The following ZNF75D variants were observed in gnomAD, a reference collection of about 807,000 sequenced individuals.
ZNF75D encodes zinc finger protein 75.
A neutral mutation model predicts 33.3 loss-of-function variants in ZNF75D; 33 were observed. The ratio of observed to expected loss-of-function variants is 0.99; its 90% confidence interval spans 0.75 to 1.32. ZNF75D has a LOEUF of 1.32. ZNF75D is among the 40% of genes most tolerant of loss of function. ZNF75D has a pLI of 0.00. For synonymous variants in ZNF75D, 113 were observed against 130.6 expected (o/e 0.87, Z 0.92); for missense variants, 338 against 367.5 (o/e 0.92, Z 0.66).
intron 1 of ZNF75D, among the ~76,000 whole-genome samples, chrX:135,306,854 CTA>C (rs1227777853): frequency 9.0e-6 from 1 of 111,648 alleles, no homozygotes; most frequent in Non-Finnish European, 1.9e-5. Flanking sequence ...TTAAGGAAGA[CTA>C]TGCAGATTTT....
At chrX:135,284,529 G>C (rs2083933294), downstream of ZNF75D, among the ~76,000 whole-genome samples, 2 of 111,615 alleles carry the variant, frequency 1.8e-5, no homozygotes, top group African/African-American at 6.5e-5. Context: ...TCAGGGATGA[G>C]AATGTGCTTT....
chrX:135,309,493 T>C (rs2084331863), intron 1 of ZNF75D: 1 of 294,614 alleles, frequency 3.4e-6, no homozygotes, highest in African/African-American at 2.8e-5. Flanking sequence ...GATAAAGAAC[T>C]CCCTAAAGCC....
rs1556421478 is a variant in ZNF75D at position 135,292,317 on chromosome X, T to C, written c.568A>G (p.Asn190Asp). The C allele has an allele frequency of 8.3e-7, 1 of 1,211,553 alleles. No homozygotes were observed. The highest frequency in any genetic ancestry group is 1.8e-5 in the South Asian group (1 of 56,939). Residue 190 changes from asparagine (N) to aspartate (D), a missense_variant, in exon 4 of 7, where the codon AAC (asparagine) becomes GAC (aspartate). Asn to Asp is a conservative substitution (Grantham distance 23). Coordinates refer to ENST00000370766, the MANE Select transcript of ZNF75D (RefSeq NM_007131.5). ...ACAGGCTGGGTTTCTTTGTGAGTGT[T>C]CCAGCCCAGCTGTTCTTGTAGTACC... is the stretch of plus-strand genomic sequence containing the variant. ...YRVLQEQLGW[N>D]THKETQPVYE...
chrX:135,314,655 T>G (rs183713326), intron 1 of ZNF75D, among the ~76,000 whole-genome samples: 28 of 111,802 alleles, frequency 2.5e-4, no homozygotes, highest in African/African-American at 8.4e-4. Flanking sequence ...TTAATGTTAC[T>G]ACTTGTTATT....
chrX:135,302,862 G>A lies in ZNF75D; in HGVS notation c.-390-6823C>T, dbSNP rs781968295. On this transcript the variant is annotated intron_variant, in intron 1 of 6. Coordinates refer to ENST00000370766, the MANE Select transcript of ZNF75D (RefSeq NM_007131.5). ...GAAAAAAGGGGCCCAGGGGACCAGC[G>A]TTCAGCACACGGAGGATCCCGCCGG... Among the ~76,000 whole-genome samples, 18 of 110,048 alleles carry A rather than the reference G, an allele frequency of 1.6e-4. No individual in the cohort carries two copies. The South Asian group carries it at 6.2e-3, about 38-fold the overall frequency.
At chrX:135,334,468 T>C (rs959759835) in intron 1 of ZNF75D, among the ~76,000 whole-genome samples, 3 of 112,157 alleles carry the variant, frequency 2.7e-5, no homozygotes, top group Non-Finnish European at 5.6e-5. Flanking sequence ...ATGCCAAATA[T>C]GCAGGGAGAT....
At chrX:135,329,126 T>C (rs1376987493) in intron 1 of ZNF75D, among the ~76,000 whole-genome samples, 1 of 112,425 alleles carries the variant, frequency 8.9e-6, no homozygotes, top group Non-Finnish European at 1.9e-5. Flanking sequence ...CCATCATCAC[T>C]ATGCTGTAAA....
At chrX:135,259,805 T>C (rs1430767939) in intron 1 of ZNF75D, among the ~76,000 whole-genome samples, 2 of 111,936 alleles carry the variant, frequency 1.8e-5, no homozygotes, top group Non-Finnish European at 3.8e-5. Context: ...TGCCTGATTG[T>C]CCTGGCCAGA....
At position 135,287,288 on chromosome X, in the gene ZNF75D, T is replaced by C; in HGVS notation, c.1382A>G (p.Asn461Ser). The C allele has an allele frequency of 8.3e-7, 1 of 1,211,725 alleles. No individual in the cohort carries two copies. Among genetic ancestry groups the C allele is most frequent in the Non-Finnish European group, 1.1e-6 (1 of 895,474 alleles). Residue 461 changes from asparagine (N) to serine (S), a missense_variant, in exon 7 of 7, where the codon AAC (asparagine) becomes AGC (serine). Asn to Ser is a conservative substitution (Grantham distance 46). Transcript: ENST00000370766. ...TCTCTGGTGTTTAATAAGGTGGGAG[T>C]TCTGAATGAATCTTTTTCCACATTC... ...CDECGKRFIQ[N>S]SHLIKHQRTH...
intron 1 of ZNF75D, among the ~76,000 whole-genome samples, chrX:135,262,257 G>A (rs1486639324): frequency 8.1e-5 from 9 of 111,505 alleles, no homozygotes; most frequent in African/African-American, 2.9e-4. Context: ...TGGTTAATCT[G>A]ACAATTATGT....
chrX:135,321,047 C>T (rs1005497881), intron 1 of ZNF75D, among the ~76,000 whole-genome samples: 1 of 111,765 alleles, frequency 8.9e-6, no homozygotes, highest in Non-Finnish European at 1.9e-5. Flanking sequence ...CTGGAAAGTC[C>T]AAGATCAAGG....
chrX:135,276,218 A>T (rs1556417556), intron 1 of ZNF75D, among the ~76,000 whole-genome samples: 1 of 112,039 alleles, frequency 8.9e-6, no homozygotes, highest in Non-Finnish European at 1.9e-5. Flanking sequence ...ATTACTGCAA[A>T]CCTATAATAA....
At chrX:135,287,976 C>A in intron 6 of ZNF75D, 130 bp from the exon 7 acceptor site, 1 of 538,360 alleles carries the variant, frequency 1.9e-6, no homozygotes, top group South Asian at 3.2e-5. Flanking sequence ...CCAGTCTGGA[C>A]AAAATGGCAT....
chrX:135,294,438 TTTTC>T (rs1322367665), intron 2 of ZNF75D, among the ~76,000 whole-genome samples, 180 bp from the exon 3 acceptor site: 2 of 112,267 alleles, frequency 1.8e-5, no homozygotes, highest in Non-Finnish European at 3.8e-5. Flanking sequence ...GTTTCTCTCC[TTTTC>T]TTTGTTTTTC....
chrX:135,259,402 C>T (rs781909679), intron 1 of ZNF75D, among the ~76,000 whole-genome samples: 140 of 111,920 alleles, frequency 1.3e-3, no homozygotes, highest in African/African-American at 3.4e-3. Flanking sequence ...ACCATTTTCA[C>T]GATATTGATT....
chrX:135,252,158 C>T lies in ZNF75D; in HGVS notation n.1151-147G>A, dbSNP rs1422025595. 1.1e-4 allele frequency: 11 copies of T among 98,133 alleles called. 1 individual carries two copies. The highest frequency in any genetic ancestry group is 2.2e-4 in the Non-Finnish European group (11 of 49,163). The allele number at this position is 98,133 out of a possible 1,213,427, so 8.1% of individuals were successfully genotyped here. On this transcript the variant is annotated intron_variant and non_coding_transcript_variant, in intron 2 of 3. Coordinates refer to the ZNF75D transcript ENST00000494295. Reference sequence around the variant, plus strand: ...TCCTTTTGTGCCATTAACTAACTAACCTACCTGATAAACCCCAACCCTGTT... The same window carrying T: ...TCCTTTTGTGCCATTAACTAACTAATCTACCTGATAAACCCCAACCCTGTT...
intron 1 of ZNF75D, among the ~76,000 whole-genome samples, chrX:135,305,743 C>A (rs1231161740): frequency 9.0e-6 from 1 of 110,750 alleles, no homozygotes; most frequent in African/African-American, 3.3e-5. Context: ...TAAACAGGGC[C>A]TCTCTTGAAT....
At chrX:135,325,781 G>A (rs192396664) in intron 1 of ZNF75D, among the ~76,000 whole-genome samples, 167 of 108,714 alleles carry the variant, frequency 1.5e-3, no homozygotes, top group African/African-American at 5.6e-3. Context: ...CCTGAGAGGC[G>A]CCACCCCCTG....
intron 1 of ZNF75D, among the ~76,000 whole-genome samples, chrX:135,296,313 T>A (rs1556422972): frequency 8.9e-6 from 1 of 111,989 alleles, no homozygotes; most frequent in East Asian, 2.8e-4. Context: ...GCTTACAGAC[T>A]CCTGGTGCCA....
Sources: gnomAD v4.1 joint callset for allele counts (sites outside exome capture counted in the v4.1 genomes callset) on GRCh38, gnomAD v4.1.1 for gene constraint, MANE v1.5 for transcripts, NCBI Gene and HGNC (gene_info 2026-07-23, HGNC 2026-07-21) for gene names.